Variants in TSPAN9 observed in about 807,000 individuals in gnomAD.
TSPAN9 encodes tetraspanin-9.
Under a neutral mutation model 31.0 loss-of-function variants are expected in TSPAN9, and 16 were observed. That is an observed-to-expected ratio of 0.52 (90% CI 0.35 to 0.78). The LOEUF is 0.78. Among genes scored for constraint, TSPAN9 ranks in the 30% least tolerant of loss-of-function variants. TSPAN9 has a pLI of 0.01. For missense variants in TSPAN9, 272 were observed against 312.5 expected (o/e 0.87, Z 0.98); for synonymous variants, 145 against 121.6 (o/e 1.19, Z -1.27).
intron 2 of TSPAN9, among the ~76,000 whole-genome samples, chr12:3,106,490 C>T (rs991749026): frequency 5.3e-5 from 8 of 152,190 alleles, no homozygotes; most frequent in Admixed American, 3.9e-4. Context: ...AAAGATGGGA[C>T]TGGGCCTGGT....
intron 3 of TSPAN9, among the ~76,000 whole-genome samples, chr12:3,259,145 T>C (rs182394808): frequency 3.2e-4 from 49 of 152,356 alleles, no homozygotes; most frequent in Non-Finnish European, 3.1e-4. Context: ...AATGAAGGCA[T>C]AGAGAAGTTA....
rs200036390 is a variant in TSPAN9 at position 3,192,946 on chromosome 12, ATAG to A, written c.-17-8229_-17-8227del. Among the ~76,000 whole-genome samples the A allele has an allele frequency of 8.5e-3, 1,292 of 152,310 alleles. 19 individuals are homozygous for A. The highest frequency in any genetic ancestry group is 0.029 in the African/African-American group (1,213 of 41,562). ...ATAATAAGTATTGTTGGGAATGATA[ATAG>A]TGCCTCCATCCATTGAACAGCTTCT... On this transcript the variant is annotated intron_variant, in intron 2 of 8. Transcript: ENST00000011898. This position sits in a 1 kb window ranked among gnomAD's most constrained non-coding sequence, Gnocchi z 4.6.
At chr12:3,096,793 C>T (rs560981119) in intron 2 of TSPAN9, among the ~76,000 whole-genome samples, 122 of 152,042 alleles carry the variant, frequency 8.0e-4, no homozygotes, top group Non-Finnish European at 1.3e-3. Context: ...CCCGGGTTCA[C>T]GCCATTCTCC....
intron 2 of TSPAN9, among the ~76,000 whole-genome samples, chr12:3,111,012 C>T (rs573585002): frequency 2.0e-5 from 3 of 152,174 alleles, no homozygotes; most frequent in Non-Finnish European, 2.9e-5. Context: ...ACTCTGTCGC[C>T]GTAGACCGTA....
chr12:3,139,213 C>T (rs1200485068), intron 2 of TSPAN9, among the ~76,000 whole-genome samples: 2 of 152,228 alleles, frequency 1.3e-5, no homozygotes, highest in Admixed American at 6.5e-5. Flanking sequence ...TGTTTCCTCT[C>T]TTCCTCTGTC....
intron 2 of TSPAN9, among the ~76,000 whole-genome samples, chr12:3,150,193 G>A (rs752279982): frequency 2.0e-5 from 3 of 152,208 alleles, no homozygotes; most frequent in East Asian, 1.9e-4. Flanking sequence ...AATATGTCTC[G>A]GCCTCCCTCG....
intron 2 of TSPAN9, among the ~76,000 whole-genome samples, chr12:3,123,002 G>A (rs2098325828): frequency 6.6e-6 from 1 of 152,174 alleles, no homozygotes; most frequent in African/African-American, 2.4e-5. Flanking sequence ...GTCCCTGGGG[G>A]AGAGGCAGGC....
At chr12:3,125,025 T>C (rs1369047612) in intron 2 of TSPAN9, 3 of 152,124 alleles carry the variant, frequency 2.0e-5, no homozygotes, top group Non-Finnish European at 2.9e-5. Flanking sequence ...ATCATGCCAT[T>C]GTGCTTTAGC....
intron 2 of TSPAN9, among the ~76,000 whole-genome samples, chr12:3,118,158 A>G (rs1591635551): frequency 6.6e-6 from 1 of 150,964 alleles, no homozygotes; most frequent in East Asian, 2.0e-4. Context: ...TGAAGCATGT[A>G]GAACCCCCCC....
rs143701773 is a variant in TSPAN9, at chr12:3,177,776, G to A, written c.-17-23401G>A. ...AGTGATGGCTTGGTTGTTTTAATTT[G>A]GATTTCCATGATTTGTAATATTCCC... On this transcript the variant is annotated intron_variant, in intron 2 of 8. Coordinates refer to ENST00000011898, the MANE Select transcript of TSPAN9 (RefSeq NM_006675.5). Among the ~76,000 whole-genome samples the A allele has an allele frequency of 9.5e-4, 145 of 152,302 alleles. No individual in the cohort carries two copies. In the Middle Eastern group the frequency reaches 0.01, roughly 11 times the overall value.
intron 3 of TSPAN9, among the ~76,000 whole-genome samples, chr12:3,213,053 A>G (rs1366081291): frequency 2.0e-5 from 3 of 152,196 alleles, no homozygotes; most frequent in Admixed American, 2.0e-4. Context: ...GGTGTCAAAC[A>G]GATCTGTGGA....
chr12:3,117,581 T>C (rs1409515990), intron 2 of TSPAN9, among the ~76,000 whole-genome samples: 2 of 152,210 alleles, frequency 1.3e-5, no homozygotes, highest in Non-Finnish European at 2.9e-5. Flanking sequence ...GGCCCAGCTC[T>C]GCCCCGGGGC....
Position 3,285,124 on chromosome 12 carries a change from G to C in TSPAN9, c.*2008G>C, listed in dbSNP as rs1053703049. On this transcript the variant is annotated 3_prime_UTR_variant, in exon 9 of 9. Coordinates refer to ENST00000011898, the MANE Select transcript of TSPAN9 (RefSeq NM_006675.5). ...TGCCCTGCCCTTGTCCCCTGGCCTG[G>C]CTTCCTGGTAAGGAGTTTCAGCCGC... 1.3e-5 allele frequency: 2 copies of C among 152,196 alleles called. No homozygotes were observed. The highest frequency in any genetic ancestry group is 2.9e-5 in the Non-Finnish European group (2 of 68,060). 9.4% of individuals were successfully genotyped at this position (152,196 alleles called of 1,614,324 possible).
chr12:3,214,689 C>A (rs946191065), intron 3 of TSPAN9, among the ~76,000 whole-genome samples: 1 of 152,058 alleles, frequency 6.6e-6, no homozygotes, highest in Admixed American at 6.5e-5. Flanking sequence ...CAGGGGAGGG[C>A]CTTCACGCCC....
chr12:3,207,803 A>AG (rs55677298), intron 3 of TSPAN9, among the ~76,000 whole-genome samples: 30,504 of 148,264 alleles, frequency 0.21, 3,308 homozygotes, highest in Middle Eastern at 0.29. Flanking sequence ...CCGGCCAAGG[A>AG]GGAGAGGGAC....
At chr12:3,135,128 G>C (rs916025924) in intron 2 of TSPAN9, among the ~76,000 whole-genome samples, 4 of 152,158 alleles carry the variant, frequency 2.6e-5, no homozygotes, top group African/African-American at 9.7e-5. Flanking sequence ...TGTCACCCAA[G>C]CTAGAGTGCA....
intron 2 of TSPAN9, among the ~76,000 whole-genome samples, chr12:3,144,538 C>G (rs986988048): frequency 1.3e-5 from 2 of 152,222 alleles, no homozygotes; most frequent in Admixed American, 6.5e-5. Context: ...AGGATCTTCC[C>G]CTAGAGGCTG....
chr12:3,095,784 T>C (rs921783915), intron 2 of TSPAN9, among the ~76,000 whole-genome samples: 20 of 137,478 alleles, frequency 1.5e-4, no homozygotes, highest in South Asian at 4.9e-4. Context: ...TGATGGCGGC[T>C]GGGAAGAGGC....
chr12:3,211,591 T>C (rs2098378735), intron 3 of TSPAN9: 1 of 1,173,860 alleles, frequency 8.5e-7, no homozygotes, highest in South Asian at 1.4e-5. Flanking sequence ...AAAATTGCTG[T>C]CTTTTTTTTT....
Sources: allele counts gnomAD v4.1 joint callset (sites outside exome capture counted in the v4.1 genomes callset), GRCh38; gene constraint gnomAD v4.1.1; non-coding constraint Gnocchi (gnomAD v3.1); transcripts MANE v1.5; gene names NCBI Gene and HGNC (gene_info 2026-07-23, HGNC 2026-07-21).